The following PUDP variants were observed in gnomAD, a reference collection of about 807,000 sequenced individuals.
PUDP encodes pseudouridine-5'-phosphatase.
PUDP carries 8 observed loss-of-function variants against 9.4 expected under a neutral mutation model. That is an observed-to-expected ratio of 0.85 (90% CI 0.50 to 1.53). The LOEUF (loss-of-function observed/expected upper bound fraction) is 1.53, where lower values mean the gene tolerates loss of function less well. Among genes scored for constraint, PUDP ranks in the 40% most tolerant of loss-of-function variants. The probability of loss-of-function intolerance (pLI) is 0.00; values close to 1 mark genes in which losing one functional copy is unlikely to be tolerated. For synonymous variants in PUDP, 99 were observed against 80.7 expected, an observed-to-expected ratio of 1.23 and a Z score of -1.22; for missense variants, 188 against 189.7, an observed-to-expected ratio of 0.99 and a Z score of 0.05.
intron 3 of PUDP, among the ~76,000 whole-genome samples, chrX:7,076,328 T>C (rs1451405430): frequency 8.9e-6 from 1 of 111,735 alleles, no homozygotes; most frequent in East Asian, 2.8e-4. Flanking sequence ...AGTCCTCACA[T>C]GCAGGAACCC....
chrX:6,805,758 T>C (rs1251332246), intron 3 of PUDP, among the ~76,000 whole-genome samples: 1 of 109,218 alleles, frequency 9.2e-6, no homozygotes, highest in Non-Finnish European at 1.9e-5. Flanking sequence ...GCTCAGGCAA[T>C]CCTCCCACCT....
At chrX:6,749,244 G>T (rs1315835987) in intron 3 of PUDP, among the ~76,000 whole-genome samples, 1 of 111,723 alleles carries the variant, frequency 9.0e-6, no homozygotes, top group Non-Finnish European at 1.9e-5. Context: ...AATGGGAGAG[G>T]GACTTTTATC....
intron 3 of PUDP, among the ~76,000 whole-genome samples, chrX:6,963,481 A>G (rs1382283758): frequency 3.6e-5 from 4 of 111,917 alleles, no homozygotes; most frequent in Admixed American, 2.9e-4. Flanking sequence ...AGACAGTGTC[A>G]GGATGGAACT....
At chrX:6,992,123 T>C in intron 1 of PUDP, among the ~76,000 whole-genome samples, 1 of 110,876 alleles carries the variant, frequency 9.0e-6, no homozygotes, top group East Asian at 2.8e-4. Context: ...CAACAAGTTG[T>C]TGAGCTTGAA....
At chrX:6,742,138 G>T (rs1327977058) in intron 3 of PUDP, among the ~76,000 whole-genome samples, 1 of 111,599 alleles carries the variant, frequency 9.0e-6, no homozygotes, top group African/African-American at 3.3e-5. Context: ...TGAGCCACCA[G>T]GCCCGGCCTT....
At chrX:6,787,160 A>C (rs1925661737) in intron 3 of PUDP, among the ~76,000 whole-genome samples, 1 of 111,791 alleles carries the variant, frequency 8.9e-6, no homozygotes, top group Non-Finnish European at 1.9e-5. Flanking sequence ...AAATGATTTG[A>C]GGGCCACTCA....
chrX:6,794,183 G>A (rs150895344), intron 3 of PUDP, among the ~76,000 whole-genome samples: 1,678 of 112,347 alleles, frequency 0.015, 11 homozygotes, highest in Admixed American at 0.027. Flanking sequence ...TGAGAAAGGC[G>A]TCATTAGGAT....
upstream of PUDP, among the ~76,000 whole-genome samples, chrX:6,725,186 C>T (rs1350121114): frequency 9.0e-6 from 1 of 111,532 alleles, no homozygotes; most frequent in Non-Finnish European, 1.9e-5. Flanking sequence ...AATATCATCC[C>T]TACAGGATGG....
chrX:7,004,293 G>A (rs889500780), intron 1 of PUDP, among the ~76,000 whole-genome samples: 7 of 111,785 alleles, frequency 6.3e-5, no homozygotes, highest in African/African-American at 2.3e-4. Flanking sequence ...CAGGAGCTAA[G>A]CCTCATTTTT....
chrX:6,720,217 T>C (rs932015649), intron 1 of PUDP, among the ~76,000 whole-genome samples: 100 of 91,667 alleles, frequency 1.1e-3, no homozygotes, highest in Middle Eastern at 5.6e-3. Context: ...TGTATATATA[T>C]ATGTGTATAT....
intron 1 of PUDP, among the ~76,000 whole-genome samples, chrX:6,720,166 G>GTATA (rs201729887): frequency 1.0e-5 from 1 of 99,050 alleles, no homozygotes; most frequent in African/African-American, 3.7e-5. Context: ...ATATATATGT[G>GTATA]TATATATATG....
At chrX:7,094,132 A>T (rs1298737232) in intron 2 of PUDP, among the ~76,000 whole-genome samples, 1 of 110,589 alleles carries the variant, frequency 9.0e-6, no homozygotes, top group African/African-American at 3.3e-5. Context: ...TGTGTCAAAC[A>T]AACAAAGCAA....
intron 3 of PUDP, among the ~76,000 whole-genome samples, chrX:6,861,215 C>T (rs1385521115): frequency 8.9e-6 from 1 of 111,956 alleles, no homozygotes; most frequent in Non-Finnish European, 1.9e-5. Context: ...GTCTTTTGAT[C>T]TGCCCCCAGG....
At chrX:6,782,134 G>A (rs1006547780) in intron 3 of PUDP, among the ~76,000 whole-genome samples, 7 of 111,704 alleles carry the variant, frequency 6.3e-5, no homozygotes, top group African/African-American at 2.3e-4. Context: ...CATAACTCCT[G>A]GAAACACGGA....
At chrX:6,927,580 T>C (rs1441734307) in intron 3 of PUDP, among the ~76,000 whole-genome samples, 1 of 111,771 alleles carries the variant, frequency 8.9e-6, no homozygotes, top group East Asian at 2.8e-4. Flanking sequence ...GCTGTGCCCA[T>C]AGCACAGAGA....
chrX:7,017,976 C>T (rs1042978346), intron 1 of PUDP, among the ~76,000 whole-genome samples: 3 of 111,683 alleles, frequency 2.7e-5, no homozygotes, highest in Non-Finnish European at 5.6e-5. Context: ...CCAAGATGGC[C>T]ACAAGAGTGA....
chrX:6,776,190 G>A (rs923382332), intron 3 of PUDP, among the ~76,000 whole-genome samples: 3 of 110,957 alleles, frequency 2.7e-5, no homozygotes, highest in Non-Finnish European at 5.7e-5. Context: ...TTAATTCAAT[G>A]GGGTGCCTGA....
Position 6,956,066 on chromosome X carries a change from T to C in PUDP, c.*247+21067A>G, listed in dbSNP as rs562633250. Among the ~76,000 whole-genome samples, 6 of 112,476 alleles carry C rather than the reference T, an allele frequency of 5.3e-5. No homozygotes were observed. In the East Asian group the frequency reaches 1.1e-3, roughly 21 times the overall value. On this transcript the variant is annotated intron_variant and NMD_transcript_variant, in intron 3 of 3. Coordinates refer to the PUDP transcript ENST00000655425. ...CTACTATTTCTTGTTTGTTTGTTTT[T>C]GGAGATGAAATCTCGCTCTGTCGCC...
At chrX:7,121,314 G>T (rs2146915577) in intron 1 of PUDP, among the ~76,000 whole-genome samples, 1 of 111,615 alleles carries the variant, frequency 9.0e-6, no homozygotes, top group East Asian at 2.8e-4. Flanking sequence ...CATAAAATGT[G>T]CTTTCTTTAT....
Sources: gnomAD v4.1 joint callset for allele counts (sites outside exome capture counted in the v4.1 genomes callset) on GRCh38, gnomAD v4.1.1 for gene constraint, MANE v1.5 for transcripts, NCBI Gene and HGNC (gene_info 2026-07-23, HGNC 2026-07-21) for gene names.